NEUROG2: variants seen among roughly 807,000 people sequenced by gnomAD.
NEUROG2 encodes neurogenin-2.
A neutral mutation model predicts 2.8 loss-of-function variants in NEUROG2; 1 was observed. The ratio of observed to expected loss-of-function variants is 0.36; its 90% CI spans 0.13 to 1.71. NEUROG2 has a LOEUF of 1.71. Ranked by LOEUF, NEUROG2 falls within the 40% of genes most tolerant of loss-of-function variation. The pLI is 0.34. For missense variants in NEUROG2, 397 were observed against 392.7 expected, an observed-to-expected ratio of 1.01 and a Z score of -0.09; for synonymous variants, 211 against 187.7, an observed-to-expected ratio of 1.12 and a Z score of -1.01.
chr4:112,515,191 G>C lies in NEUROG2; in HGVS notation c.285C>G (p.Ala95=), dbSNP rs769832338. The change falls in exon 2 of 2, where the codon GCC becomes GCG. Residue 95 remains alanine, a synonymous_variant. Transcript: ENST00000313341. ...DCKRRPSRAR[A]VSRGAKTAET... ...CGGCCGTCTTGGCGCCTCGGGAGAC[G>C]GCCCGCGCCCGGGAAGGGCGCCGTT... 6.2e-7 allele frequency: 1 copy of C among 1,611,590 alleles called. No individual in the cohort carries two copies. The highest frequency in any genetic ancestry group is 1.3e-5 in the African/African-American group (1 of 75,042).
Position 112,515,391 on chromosome 4 carries a change from C to T in NEUROG2, c.85G>A (p.Ala29Thr). ...GCGCTGGATGACAGCGGGGTCAGGG[C>T]CGCCAAGGCGGGGGAGGCCGATCCG... ...LLGSASPALA[A>T]LTPLSSSADE... Residue 29 changes from alanine to threonine, a missense_variant, in exon 2 of 2, where the codon GCC (alanine) becomes ACC (threonine). Physicochemically the swap from Ala to Thr is moderately conservative, Grantham distance 58. Transcript: ENST00000313341. The T allele has an allele frequency of 1.3e-6, 2 of 1,525,482 alleles. No individual in the cohort carries two copies. Among genetic ancestry groups the T allele is most frequent in the Middle Eastern group, 1.7e-4 (1 of 5,878 alleles). 94.5% of individuals were successfully genotyped at this position (1,525,482 alleles called of 1,614,324 possible).
At position 112,515,357 on chromosome 4, in the gene NEUROG2, T is replaced by A; in HGVS notation, c.119A>T (p.Glu40Val). The change falls in exon 2 of 2, where the codon GAA (glutamate) becomes GTA (valine). Residue 40 changes from glutamate (E) to valine (V), a missense_variant. Physicochemically the swap from Glu to Val is moderately radical, Grantham distance 121 (BLOSUM62 -2). Coordinates refer to ENST00000313341, the MANE Select transcript of NEUROG2 (RefSeq NM_024019.4). ...TGACGCGCCCGGCTCCTCCTCCTCT[T>A]CTTCGTCGGCGCTGGATGACAGCGG... is the stretch of plus-strand genomic sequence containing the variant. ...LTPLSSSADE[E>V]EEEEPGASGG... The A allele has an allele frequency of 6.8e-7, 1 of 1,478,746 alleles. No homozygotes were observed. The highest frequency in any genetic ancestry group is 1.8e-4 in the Middle Eastern group (1 of 5,684). 91.6% of individuals were successfully genotyped at this position (1,478,746 alleles called of 1,614,324 possible).
rs1040190769 is a variant in NEUROG2 at position 112,514,138 on chromosome 4, T to C, written c.*519A>G. ...ATGGGAATAAAGCAGATGCCAGCCA[T>C]TGCAAATCTGTGGATAATATTATTA... On this transcript the variant is annotated 3_prime_UTR_variant, in exon 2 of 2. Coordinates refer to ENST00000313341, the MANE Select transcript of NEUROG2 (RefSeq NM_024019.4). 6.5e-6 allele frequency: 1 copy of C among 153,392 alleles called. No individual in the cohort carries two copies. Among genetic ancestry groups the C allele is most frequent in the African/African-American group, 2.4e-5 (1 of 41,488 alleles). 9.5% of individuals were successfully genotyped at this position (153,392 alleles called of 1,614,324 possible). A position where few individuals can be genotyped will look rare whatever the true frequency, so the allele number is the denominator to read the frequency against.
rs1736359837 is a variant in NEUROG2, at chr4:112,513,670, C to T, written c.*987G>A. On this transcript the variant is annotated 3_prime_UTR_variant, in exon 2 of 2. Transcript: ENST00000313341. ...TCTTTATAATAAATAGAAGGGAACA[C>T]GTGTGTGGCTGATCCGGATAATGCT... The T allele has an allele frequency of 6.6e-6, 1 of 152,538 alleles. No individual in the cohort carries two copies. The highest frequency in any genetic ancestry group is 1.5e-5 in the Non-Finnish European group (1 of 68,040). 9.4% of individuals were successfully genotyped at this position (152,538 alleles called of 1,614,324 possible).
chr4:112,515,362 G>T lies in NEUROG2; in HGVS notation c.114C>A (p.Asp38Glu). 9 of 1,490,162 alleles carry T rather than the reference G, an allele frequency of 6.0e-6. No individual in the cohort carries two copies. Among genetic ancestry groups the T allele is most frequent in the Non-Finnish European group, 7.1e-6 (8 of 1,125,286 alleles). 92.3% of individuals were successfully genotyped at this position (1,490,162 alleles called of 1,614,324 possible). The change falls in exon 2 of 2, where the codon GAC becomes GAA. Residue 38 changes from aspartate (D) to glutamate (E), a missense_variant. By Grantham distance (45) the Asp-to-Glu change is conservative. Transcript: ENST00000313341. ...AALTPLSSSA[D>E]EEEEEEPGAS... Reference sequence around the variant, plus strand: ...CGCCCGGCTCCTCCTCCTCTTCTTCGTCGGCGCTGGATGACAGCGGGGTCA... The same window carrying T: ...CGCCCGGCTCCTCCTCCTCTTCTTCTTCGGCGCTGGATGACAGCGGGGTCA...
Position 112,515,365 on chromosome 4 carries a change from G to T in NEUROG2, c.111C>A (p.Ala37=). The T allele has an allele frequency of 6.7e-7, 1 of 1,489,758 alleles. No individual in the cohort carries two copies. Among genetic ancestry groups the T allele is most frequent in the Non-Finnish European group, 8.9e-7 (1 of 1,125,050 alleles). 92.3% of individuals were successfully genotyped at this position (1,489,758 alleles called of 1,614,324 possible). Residue 37 remains alanine (A), a synonymous_variant, in exon 2 of 2, where the codon GCC becomes GCA. Transcript: ENST00000313341. Reference sequence around the variant, plus strand: ...CCGGCTCCTCCTCCTCTTCTTCGTCGGCGCTGGATGACAGCGGGGTCAGGG... The same window carrying T: ...CCGGCTCCTCCTCCTCTTCTTCGTCTGCGCTGGATGACAGCGGGGTCAGGG... ...LAALTPLSSS[A]DEEEEEEPGA...
intron 1 of NEUROG2, 117 bp from the exon 2 acceptor site, chr4:112,515,593 G>T: frequency 1.2e-6 from 1 of 830,068 alleles, no homozygotes; most frequent in East Asian, 3.1e-5. Flanking sequence ...GCTCCGAATG[G>T]CGCGGAGCAG....
chr4:112,514,303 G>C lies in NEUROG2; in HGVS notation c.*354C>G, dbSNP rs913148206. The C allele has an allele frequency of 3.8e-5, 9 of 238,916 alleles. No individual in the cohort carries two copies. The highest frequency in any genetic ancestry group is 8.9e-5 in the African/African-American group (4 of 44,800). The allele number at this position is 238,916 out of a possible 1,614,324, so 14.8% of individuals were successfully genotyped here. A position where few individuals can be genotyped will look rare whatever the true frequency, so the allele number is the denominator to read the frequency against. The stretch of plus-strand genomic sequence containing the variant: ...TCACACGAACTGCACCAAGTCCTTC[G>C]GCGTTAAAGAGAAAGGGGAGGAGCG... On this transcript the variant is annotated 3_prime_UTR_variant, in exon 2 of 2. Transcript: ENST00000313341.
rs541009106 is a variant in NEUROG2 at position 112,514,265 on chromosome 4, C to A, written c.*392G>T. 8.4e-5 allele frequency: 17 copies of A among 201,564 alleles called. No homozygotes were observed. The highest frequency in any genetic ancestry group is 1.5e-4 in the Non-Finnish European group (15 of 101,000). 12.5% of individuals were successfully genotyped at this position (201,564 alleles called of 1,614,324 possible). ...AGAGATCACAGGAACCAGTTGCATT[C>A]CCCCTGTGAGATTCACACGAACTGC... On this transcript the variant is annotated 3_prime_UTR_variant, in exon 2 of 2. Coordinates refer to ENST00000313341, the MANE Select transcript of NEUROG2 (RefSeq NM_024019.4).
rs566209494 is a variant in NEUROG2, at chr4:112,513,851, A to G, written c.*806T>C. 2.0e-3 allele frequency: 312 copies of G among 152,752 alleles called. 3 individuals carry two copies. The highest frequency in any genetic ancestry group is 7.2e-3 in the African/African-American group (301 of 41,568). The allele number at this position is 152,752 out of a possible 1,614,324, so 9.5% of individuals were successfully genotyped here. ...TCCTCCACATTTTTCCTTTTGATAG[A>G]GAGTTCAGCCTAAATTTCCACGCTT... is the stretch of plus-strand genomic sequence containing the variant. On this transcript the variant is annotated 3_prime_UTR_variant, in exon 2 of 2. Coordinates refer to ENST00000313341, the MANE Select transcript of NEUROG2 (RefSeq NM_024019.4).
chr4:112,515,013 G>T lies in NEUROG2; in HGVS notation c.463C>A (p.Arg155Ser). 6.2e-6 allele frequency: 10 copies of T among 1,613,934 alleles called. No individual in the cohort carries two copies. Among genetic ancestry groups the T allele is most frequent in the Non-Finnish European group, 8.5e-6 (10 of 1,179,908 alleles). The change falls in exon 2 of 2, where the codon CGC becomes AGC. Residue 155 changes from arginine to serine, a missense_variant. Transcript: ENST00000313341. The stretch of plus-strand genomic sequence containing the variant: ...GCCCAGATGTAGTTGTGGGCGAAGC[G>T]CAGGGTCTCGATCTTGGTGAGCTTG... ...DAKLTKIETLRFAHNYIWALT... is the reference protein window; with the variant it reads ...DAKLTKIETLSFAHNYIWALT...
At position 112,515,252 on chromosome 4, in the gene NEUROG2, C is replaced by G. The variant is rs750164502; in HGVS notation, c.224G>C (p.Arg75Pro). 8.9e-6 allele frequency: 14 copies of G among 1,574,492 alleles called. No individual in the cohort carries two copies. The highest frequency in any genetic ancestry group is 1.1e-5 in the Non-Finnish European group (13 of 1,168,396). The change falls in exon 2 of 2, where the codon CGG (arginine) becomes CCG (proline). Residue 75 changes from arginine to proline, a missense_variant. By Grantham distance (103) the Arg-to-Pro change is moderately radical. Coordinates refer to ENST00000313341, the MANE Select transcript of NEUROG2 (RefSeq NM_024019.4). ...TACCAGACCCAGCAGCCGTGCGGGC[C>G]GGCAGCCCTCCGCACCCGCAGCCAC... is the stretch of plus-strand genomic sequence containing the variant. ...GGVAAGAEGC[R>P]PARLLGLVHD...
rs2148785714 is a variant in NEUROG2, at chr4:112,515,175, T to G, written c.301A>C (p.Lys101Gln). The G allele has an allele frequency of 6.2e-7, 1 of 1,612,714 alleles. No individual in the cohort carries two copies. Residue 101 changes from lysine to glutamine, a missense_variant, in exon 2 of 2, where the codon AAG becomes CAG. Lys to Gln is a moderately conservative substitution (Grantham distance 53). Transcript: ENST00000313341. ...SRARAVSRGAKTAETVQRIKK... is the reference protein window; with the variant it reads ...SRARAVSRGAQTAETVQRIKK... Reference sequence around the variant, plus strand: ...ATGCGCTGCACCGTCTCGGCCGTCTTGGCGCCTCGGGAGACGGCCCGCGCC... The same window carrying G: ...ATGCGCTGCACCGTCTCGGCCGTCTGGGCGCCTCGGGAGACGGCCCGCGCC...
rs1736380728 is a variant in NEUROG2 at position 112,514,564 on chromosome 4, T to C, written c.*93A>G. 5 of 1,009,818 alleles carry C rather than the reference T, an allele frequency of 5.0e-6. No homozygotes were observed. Among genetic ancestry groups the C allele is most frequent in the South Asian group, 2.3e-5 (1 of 43,860 alleles). The allele number at this position is 1,009,818 out of a possible 1,614,324, so 62.6% of individuals were successfully genotyped here. ...GTGAAGTGAGATGGTTTCCAGGGCG[T>C]GGAAAGGAGGGGCAGGGGAAGGGAG... is the stretch of plus-strand genomic sequence containing the variant. On this transcript the variant is annotated 3_prime_UTR_variant, in exon 2 of 2. Transcript: ENST00000313341.
At position 112,515,324 on chromosome 4, in the gene NEUROG2, G is replaced by A; in HGVS notation, c.152C>T (p.Ala51Val). The A allele has an allele frequency of 7.0e-7, 1 of 1,418,708 alleles. No individual in the cohort carries two copies. The highest frequency in any genetic ancestry group is 1.7e-5 in the South Asian group (1 of 59,490). The allele number at this position is 1,418,708 out of a possible 1,614,324, so 87.9% of individuals were successfully genotyped here. Residue 51 changes from alanine (A) to valine (V), a missense_variant, in exon 2 of 2, where the codon GCG becomes GTG. Coordinates refer to ENST00000313341, the MANE Select transcript of NEUROG2 (RefSeq NM_024019.4). ...GGCCTCAGCCCCGCGCTGCCGACGC[G>A]CCCCGCCTGACGCGCCCGGCTCCTC... Reference protein sequence around the residue: ...EEEEPGASGGARRQRGAEAGQ... With the variant: ...EEEEPGASGGVRRQRGAEAGQ...
In NEUROG2 at chr4:112,515,199, C is replaced by T; in HGVS notation, c.277G>A (p.Ala93Thr). 1 of 1,610,534 alleles carries T rather than the reference C, an allele frequency of 6.2e-7. No homozygotes were observed. The highest frequency in any genetic ancestry group is 8.5e-7 in the Non-Finnish European group (1 of 1,179,686). The part of the protein sequence containing the change: ...VHDCKRRPSR[A>T]RAVSRGAKTA... ...TTGGCGCCTCGGGAGACGGCCCGCG[C>T]CCGGGAAGGGCGCCGTTTGCAATCG... Residue 93 changes from alanine (A) to threonine (T), a missense_variant, in exon 2 of 2, where the codon GCG becomes ACG. Transcript: ENST00000313341.
chr4:112,514,821 T>A lies in NEUROG2; in HGVS notation c.655A>T (p.Ser219Cys). The A allele has an allele frequency of 6.3e-7, 1 of 1,580,388 alleles. No individual in the cohort carries two copies. Among genetic ancestry groups the A allele is most frequent in the Non-Finnish European group, 8.6e-7 (1 of 1,168,270 alleles). Residue 219 changes from serine (S) to cysteine (C), a missense_variant, in exon 2 of 2, where the codon AGC becomes TGC. By Grantham distance (112) the Ser-to-Cys change is moderately radical (BLOSUM62 -1). Transcript: ENST00000313341. The stretch of plus-strand genomic sequence containing the variant: ...GACACGGAGGAGGACGGCGCGGGGC[T>A]GTTGGTGCAACTCCACGTGGAGGCG... Reference protein sequence around the residue: ...SPASTWSCTNSPAPSSSVSSN... With the variant: ...SPASTWSCTNCPAPSSSVSSN...
In NEUROG2 at chr4:112,515,224, G is replaced by A; in HGVS notation, c.252C>T (p.His84=). The A allele has an allele frequency of 6.2e-7, 1 of 1,604,740 alleles. No individual in the cohort carries two copies. Residue 84 remains histidine, a synonymous_variant, in exon 2 of 2, where the codon CAC becomes CAT. Transcript: ENST00000313341. ...CRPARLLGLV[H]DCKRRPSRAR... is the part of the protein sequence containing the mutation. ...CCCGGGAAGGGCGCCGTTTGCAATC[G>A]TGTACCAGACCCAGCAGCCGTGCGG...
chr4:112,514,528 A>G lies in NEUROG2; in HGVS notation c.*129T>C, dbSNP rs1013822939. ...AAACAACCGAGGAATCAGAAAGGCT[A>G]CACCTGCCCTGTGAAGTGAGATGGT... is the stretch of plus-strand genomic sequence containing the variant. On this transcript the variant is annotated 3_prime_UTR_variant, in exon 2 of 2. Coordinates refer to ENST00000313341, the MANE Select transcript of NEUROG2 (RefSeq NM_024019.4). 1 of 666,816 alleles carries G rather than the reference A, an allele frequency of 1.5e-6. No individual in the cohort carries two copies. The highest frequency in any genetic ancestry group is 2.3e-6 in the Non-Finnish European group (1 of 437,854). The allele number at this position is 666,816 out of a possible 1,614,324, so 41.3% of individuals were successfully genotyped here.
Sources: gnomAD v4.1 joint callset for allele counts on GRCh38, gnomAD v4.1.1 for gene constraint, MANE v1.5 for transcripts, NCBI Gene and HGNC (gene_info 2026-07-23, HGNC 2026-07-21) for gene names.